Variants in DDX10 observed in about 807,000 individuals in gnomAD.
DDX10 encodes the protein probable ATP-dependent RNA helicase DDX10.
DDX10 carries 74 observed loss-of-function variants against 104.3 expected under a neutral mutation model. That is an observed-to-expected ratio of 0.71 (90% CI 0.59 to 0.86). The LOEUF (loss-of-function observed/expected upper bound fraction) is 0.86. DDX10 is among the 40% of genes least tolerant of loss of function. DDX10 has a pLI of 0.00. For synonymous variants in DDX10, 351 were observed against 353.4 expected (o/e 0.99, Z 0.08); for missense variants, 952 against 1,040.0 (o/e 0.92, Z 1.16).
intron 7 of DDX10, 145 bp downstream of exon 7, chr11:108,689,207 C>T: frequency 1.2e-6 from 1 of 808,544 alleles, no homozygotes; most frequent in Non-Finnish European, 2.0e-6. Context: ...GCAAAGGAAT[C>T]CGTGGCTGAG....
chr11:108,813,749 GA>G (rs1166150254), intron 13 of DDX10, among the ~76,000 whole-genome samples: 1 of 152,140 alleles, frequency 6.6e-6, no homozygotes, highest in Non-Finnish European at 1.5e-5. Context: ...TCTGTTGCAA[GA>G]TGTGAAGTGT....
At chr11:108,933,398 C>T (rs571956294) in intron 17 of DDX10, among the ~76,000 whole-genome samples, 1 of 152,084 alleles carries the variant, frequency 6.6e-6, no homozygotes, top group Non-Finnish European at 1.5e-5. Context: ...CTTAGAATAG[C>T]CAGACTCGAG....
At chr11:108,733,647 G>C (rs2094314974) in intron 13 of DDX10, among the ~76,000 whole-genome samples, 2 of 152,048 alleles carry the variant, frequency 1.3e-5, no homozygotes, top group South Asian at 4.1e-4. Context: ...GATTGTGCTT[G>C]CTTTGATTCC....
intron 16 of DDX10, among the ~76,000 whole-genome samples, chr11:108,861,193 C>T (rs1424423776): frequency 6.6e-6 from 1 of 151,846 alleles, no homozygotes; most frequent in African/African-American, 2.4e-5. Flanking sequence ...CCTAGCCTCC[C>T]AGGCTACATC....
intron 17 of DDX10, among the ~76,000 whole-genome samples, chr11:108,933,307 A>C (rs1217394431): frequency 6.6e-6 from 1 of 152,042 alleles, no homozygotes; most frequent in African/African-American, 2.4e-5. Context: ...ATTTTTGTTC[A>C]GCTGACTTAG....
intron 17 of DDX10, among the ~76,000 whole-genome samples, chr11:108,935,573 G>T (rs4027412): frequency 0.15 from 22,483 of 152,000 alleles, 2,060 homozygotes; most frequent in East Asian, 0.27. Flanking sequence ...TATTTAAGAT[G>T]ACTGGTTCTT....
At chr11:108,682,483 A>G (rs1265399928) in intron 6 of DDX10, among the ~76,000 whole-genome samples, 1 of 152,138 alleles carries the variant, frequency 6.6e-6, no homozygotes, top group Non-Finnish European at 1.5e-5. Context: ...ATCCTTTCCC[A>G]TCCTTGTACT....
chr11:108,679,317 T>G (rs982317209), intron 5 of DDX10, 54 bp from the exon 6 acceptor site: 11 of 1,427,822 alleles, frequency 7.7e-6, no homozygotes, highest in Non-Finnish European at 1.0e-5. Context: ...CCATTGCATT[T>G]AGCCTAATGT....
intron 16 of DDX10, among the ~76,000 whole-genome samples, chr11:108,898,661 A>G (rs11212803): frequency 0.054 from 6,969 of 130,142 alleles, 438 homozygotes; most frequent in African/African-American, 0.19. Flanking sequence ...AATTTTGGAG[A>G]AAAAAAAAAA....
chr11:108,885,479 T>G (rs1863283955), intron 16 of DDX10, among the ~76,000 whole-genome samples: 1 of 151,506 alleles, frequency 6.6e-6, no homozygotes, highest in Admixed American at 6.6e-5. Context: ...TGCCTCAGAC[T>G]CTCGAGTAGC....
At chr11:108,868,968 T>TC (rs1863044171) in intron 16 of DDX10, among the ~76,000 whole-genome samples, 1 of 147,088 alleles carries the variant, frequency 6.8e-6, no homozygotes, top group Non-Finnish European at 1.5e-5. Flanking sequence ...GAATTAAGCT[T>TC]TTTTTTTTTT....
chr11:108,835,836 G>A (rs1019931438), intron 13 of DDX10, among the ~76,000 whole-genome samples: 3 of 152,056 alleles, frequency 2.0e-5, no homozygotes, highest in Non-Finnish European at 4.4e-5. Flanking sequence ...GAGGCGTGGT[G>A]GGGGGTGGGG....
intron 13 of DDX10, chr11:108,822,727 A>G (rs1862343273): frequency 6.5e-6 from 1 of 153,136 alleles, no homozygotes; most frequent in East Asian, 1.9e-4. Flanking sequence ...TGAAAATTAC[A>G]CTTCTAAAAA....
In DDX10 at chr11:108,691,874, A is replaced by G; in HGVS notation, c.976-2A>G. On this transcript the variant is annotated splice_acceptor_variant, in intron 7 of 17. Transcript: ENST00000322536. LOFTEE classifies it high-confidence loss of function. ...AAACTTATTCTTCTGTTGATGCCCCAGGTCCAGTATCTGTACCGAGTGTTT... is the reference window on the plus strand; with the variant it reads ...AAACTTATTCTTCTGTTGATGCCCCGGGTCCAGTATCTGTACCGAGTGTTT... 15 of 1,611,246 alleles carry G rather than the reference A, an allele frequency of 9.3e-6. No homozygotes were observed. The highest frequency in any genetic ancestry group is 1.3e-5 in the African/African-American group (1 of 74,948).
chr11:108,927,169 G>A (rs1028753486), intron 17 of DDX10, among the ~76,000 whole-genome samples: 1 of 152,204 alleles, frequency 6.6e-6, no homozygotes, highest in Non-Finnish European at 1.5e-5. Flanking sequence ...AGAAGAAAAA[G>A]CAAGAGATTG....
At chr11:108,770,849 T>C (rs2094362245) in intron 13 of DDX10, among the ~76,000 whole-genome samples, 1 of 152,184 alleles carries the variant, frequency 6.6e-6, no homozygotes, top group Non-Finnish European at 1.5e-5. Flanking sequence ...TTCCTTTCCT[T>C]GGGGTATATA....
At chr11:108,833,074 G>A (rs2615729) in intron 13 of DDX10, among the ~76,000 whole-genome samples, 1 of 152,078 alleles carries the variant, frequency 6.6e-6, no homozygotes, top group Non-Finnish European at 1.5e-5. Flanking sequence ...AAAGAATGAC[G>A]TGGAACTAAG....
chr11:108,914,541 A>G (rs1591123675), intron 16 of DDX10, among the ~76,000 whole-genome samples: 1 of 152,316 alleles, frequency 6.6e-6, no homozygotes, highest in East Asian at 1.9e-4. Flanking sequence ...AATCTAGGCA[A>G]AGTACCTGCC....
At chr11:108,773,241 T>A (rs2726885) in intron 13 of DDX10, among the ~76,000 whole-genome samples, 23 of 152,134 alleles carry the variant, frequency 1.5e-4, no homozygotes, top group Non-Finnish European at 2.5e-4. Flanking sequence ...TCTCATCATT[T>A]GAGTGAAATC....
Sources: allele counts gnomAD v4.1 joint callset (sites outside exome capture counted in the v4.1 genomes callset), GRCh38; gene constraint gnomAD v4.1.1; transcripts MANE v1.5; gene names NCBI Gene and HGNC (gene_info 2026-07-23, HGNC 2026-07-21).